ARB2A: variants seen among roughly 807,000 people sequenced by gnomAD.
ARB2A encodes the protein cotranscriptional regulator ARB2A.
At chr5:94,016,712 C>T in the ARB2A span, among the ~76,000 whole-genome samples, 1 of 152,142 alleles carries the variant, frequency 6.6e-6, no homozygotes, top group East Asian at 1.9e-4. Flanking sequence ...TTAAAATAAC[C>T]TTACTATTAC....
At chr5:93,790,133 TTA>T in the ARB2A span, among the ~76,000 whole-genome samples, 2 of 152,184 alleles carry the variant, frequency 1.3e-5, no homozygotes, top group Non-Finnish European at 2.9e-5. Flanking sequence ...TTTGAGTAAA[TTA>T]TTTTTCTGTA....
At chr5:93,807,978 A>G in the ARB2A span, among the ~76,000 whole-genome samples, 1 of 152,040 alleles carries the variant, frequency 6.6e-6, no homozygotes, top group Non-Finnish European at 1.5e-5. Context: ...AAAGTGATCA[A>G]TGCAAGAACA....
chr5:94,009,915 T>C, the ARB2A span, among the ~76,000 whole-genome samples: 2 of 151,884 alleles, frequency 1.3e-5, no homozygotes, highest in East Asian at 1.9e-4. Flanking sequence ...TTTGCATCTT[T>C]GGTCTTTTTT....
At chr5:94,050,882 AAT>A in the ARB2A span, 1 of 1,238,470 alleles carries the variant, frequency 8.1e-7, no homozygotes. Context: ...TATTGACAAT[AAT>A]ATAAACAGTA....
chr5:93,895,170 A>G, the ARB2A span, among the ~76,000 whole-genome samples: 1 of 152,198 alleles, frequency 6.6e-6, no homozygotes, highest in Non-Finnish European at 1.5e-5. Flanking sequence ...TCATGCTTTA[A>G]TTCAGCTGCC....
chr5:93,643,359 T>C, the ARB2A span, among the ~76,000 whole-genome samples: 42 of 152,234 alleles, frequency 2.8e-4, no homozygotes, highest in African/African-American at 9.6e-4. Context: ...CAGTTTTGGG[T>C]TCACACCTAC....
chr5:93,673,926 C>T, the ARB2A span, among the ~76,000 whole-genome samples: 2 of 151,976 alleles, frequency 1.3e-5, no homozygotes, highest in African/African-American at 4.8e-5. Flanking sequence ...AAACATATCC[C>T]TTTTATTCTA....
At chr5:93,665,274 G>C in the ARB2A span, among the ~76,000 whole-genome samples, 1 of 152,190 alleles carries the variant, frequency 6.6e-6, no homozygotes, top group African/African-American at 2.4e-5. Context: ...TTAATAATGA[G>C]TCTGTGTTAA....
chr5:94,013,769 A>G, the ARB2A span, among the ~76,000 whole-genome samples: 3 of 152,264 alleles, frequency 2.0e-5, no homozygotes, highest in Admixed American at 1.3e-4. Context: ...AAAAAAACAA[A>G]AACAAATACA....
chr5:94,074,270 T>A, the ARB2A span, among the ~76,000 whole-genome samples: 1 of 152,070 alleles, frequency 6.6e-6, no homozygotes, highest in Non-Finnish European at 1.5e-5. Context: ...GTAATGCCAA[T>A]GCCACAAAGG....
chr5:93,713,673 A>G, the ARB2A span, among the ~76,000 whole-genome samples: 1 of 152,250 alleles, frequency 6.6e-6, no homozygotes, highest in African/African-American at 2.4e-5. Context: ...CATATGATCT[A>G]GCAATCCCAC....
chr5:93,950,589 G>A, the ARB2A span, among the ~76,000 whole-genome samples: 3 of 151,904 alleles, frequency 2.0e-5, no homozygotes, highest in Non-Finnish European at 1.5e-5. Context: ...GTTGTAGTGA[G>A]CTGAGCTTGT....
At chr5:93,770,506 G>A in the ARB2A span, among the ~76,000 whole-genome samples, 193 of 152,182 alleles carry the variant, frequency 1.3e-3, no homozygotes, top group Non-Finnish European at 1.4e-3. Flanking sequence ...AGGAAAAGAG[G>A]AAGTCAAACT....
At chr5:93,881,771 T>C in the ARB2A span, 4 of 930,268 alleles carry the variant, frequency 4.3e-6, no homozygotes, top group African/African-American at 1.7e-5. Flanking sequence ...AATTTCAGTC[T>C]AAGCAATTTT....
chr5:93,768,030 A>C, the ARB2A span, among the ~76,000 whole-genome samples: 1 of 149,342 alleles, frequency 6.7e-6, no homozygotes, highest in African/African-American at 2.5e-5. Flanking sequence ...AAAAGGAATG[A>C]ATTAACAGCA....
chr5:93,935,623 G>A, the ARB2A span, among the ~76,000 whole-genome samples: 2 of 152,116 alleles, frequency 1.3e-5, no homozygotes, highest in Non-Finnish European at 2.9e-5. Flanking sequence ...CAAGGTAAAC[G>A]GCAGTGTACT....
At chr5:93,773,906 T>C in the ARB2A span, among the ~76,000 whole-genome samples, 2 of 152,236 alleles carry the variant, frequency 1.3e-5, no homozygotes, top group Admixed American at 6.5e-5. Flanking sequence ...TAGCTGGGAC[T>C]GTAGGTGTGC....
chr5:93,748,407 A>C, the ARB2A span, among the ~76,000 whole-genome samples: 1 of 152,096 alleles, frequency 6.6e-6, no homozygotes, highest in Non-Finnish European at 1.5e-5. Flanking sequence ...ATATCTCAGG[A>C]GGCTCTGAGG....
At chr5:93,738,163 A>C in the ARB2A span, 1 of 184,614 alleles carries the variant, frequency 5.4e-6, no homozygotes, top group Non-Finnish European at 1.1e-5. Flanking sequence ...ATTTCTTTAA[A>C]GAAGATACAA....
Sources: gnomAD v4.1 joint callset for allele counts (sites outside exome capture counted in the v4.1 genomes callset) on GRCh38, gnomAD v4.1.1 for gene constraint, MANE v1.5 for transcripts, NCBI Gene and HGNC (gene_info 2026-07-23, HGNC 2026-07-21) for gene names.